Variants in USP10 observed in about 807,000 individuals in gnomAD.
USP10 encodes ubiquitin carboxyl-terminal hydrolase 10.
A neutral mutation model predicts 84.5 loss-of-function variants in USP10; 22 were observed. The ratio of observed to expected loss-of-function variants is 0.26; its 90% CI spans 0.19 to 0.37. The LOEUF (loss-of-function observed/expected upper bound fraction) is 0.37, where lower values mean the gene tolerates loss of function less well. Among genes scored for constraint, USP10 ranks in the 10% least tolerant of loss-of-function variants. The pLI is 1.00. For missense variants in USP10, 1,019 were observed against 998.9 expected, an observed-to-expected ratio of 1.02 and a Z score of -0.27; for synonymous variants, 454 against 387.6, an observed-to-expected ratio of 1.17 and a Z score of -2.01.
chr16:84,751,756 A>G (rs573481171), intron 4 of USP10, among the ~76,000 whole-genome samples: 10 of 152,334 alleles, frequency 6.6e-5, no homozygotes, highest in Non-Finnish European at 1.2e-4. Flanking sequence ...AAGCAGGTCA[A>G]CAACACCAGA....
At position 84,726,976 on chromosome 16, in the gene USP10, C is replaced by G. The variant is rs1460910024; in HGVS notation, c.22-6459C>G. Among the ~76,000 whole-genome samples, 4 of 152,194 alleles carry G rather than the reference C, an allele frequency of 2.6e-5. No individual in the cohort carries two copies. The South Asian group carries it at 8.3e-4, about 32-fold the overall frequency. ...CTGAAACCTTAGGGGGCTTCCCAGT[C>G]TTTCCTGATGGTATTTGGTGTAGCT... On this transcript the variant is annotated intron_variant, in intron 1 of 13. Transcript: ENST00000219473.
intron 1 of USP10, chr16:84,704,815 G>C (rs757541105): frequency 6.5e-7 from 1 of 1,535,676 alleles, no homozygotes; most frequent in Non-Finnish European, 8.7e-7. Flanking sequence ...ATTCTGTCCC[G>C]TCTTGAAACA....
rs1905249509 is a variant in USP10, at chr16:84,704,626, G to A, written c.21+4515G>A. ...AAAATAAAGGTAGCCCTTGGGGTAT[G>A]TGTATAGTATTTGTTTCAAGGATCA... On this transcript the variant is annotated intron_variant, in intron 1 of 13. Transcript: ENST00000219473. The A allele has an allele frequency of 4.6e-6, 6 of 1,307,820 alleles. No individual in the cohort carries two copies. In the Admixed American group the frequency reaches 8.6e-5, roughly 19 times the overall value. 81.0% of individuals were successfully genotyped at this position (1,307,820 alleles called of 1,614,324 possible). A position where few individuals can be genotyped will look rare whatever the true frequency, so the allele number is the denominator to read the frequency against.
chr16:84,766,762 G>C (rs946575512), intron 10 of USP10, among the ~76,000 whole-genome samples: 39 of 152,212 alleles, frequency 2.6e-4, no homozygotes, highest in Admixed American at 2.6e-3. Flanking sequence ...GGGTCTCTGT[G>C]TTGAAATTGG....
At chr16:84,777,832 TC>T (rs1915174687) in intron 13 of USP10, among the ~76,000 whole-genome samples, 1 of 152,218 alleles carries the variant, frequency 6.6e-6, no homozygotes, top group Non-Finnish European at 1.5e-5. Flanking sequence ...CTCTCCTGGT[TC>T]CTTTTCTTTT....
intron 10 of USP10, among the ~76,000 whole-genome samples, chr16:84,764,943 T>A (rs369374222): frequency 9.3e-6 from 1 of 107,288 alleles, no homozygotes; most frequent in African/African-American, 3.4e-5. Flanking sequence ...AAAAAAAATA[T>A]ATATATATAT....
chr16:84,733,556 A>T, intron 2 of USP10, 53 bp downstream of exon 2: 1 of 1,246,694 alleles, frequency 8.0e-7, no homozygotes, highest in Non-Finnish European at 1.1e-6. Flanking sequence ...ATTAATAGTT[A>T]TGTTTCTATT....
At chr16:84,714,355 A>G (rs1424296151) in intron 1 of USP10, among the ~76,000 whole-genome samples, 1 of 152,184 alleles carries the variant, frequency 6.6e-6, no homozygotes, top group Non-Finnish European at 1.5e-5. Context: ...TGGCTCTGGC[A>G]TCCAGGCTGG....
chr16:84,756,426 C>T (rs1912551723), intron 4 of USP10, among the ~76,000 whole-genome samples: 3 of 152,174 alleles, frequency 2.0e-5, no homozygotes, highest in Admixed American at 2.0e-4. Context: ...AATCCTGTCT[C>T]TCCTAAAAAT....
chr16:84,757,367 T>C (rs1350717047), intron 4 of USP10, among the ~76,000 whole-genome samples: 5 of 148,638 alleles, frequency 3.4e-5, no homozygotes, highest in Non-Finnish European at 7.4e-5. Context: ...GAAGAGGACA[T>C]TTATTCATAG....
At chr16:84,739,335 G>T (rs1324856802) in intron 2 of USP10, among the ~76,000 whole-genome samples, 1 of 149,548 alleles carries the variant, frequency 6.7e-6, no homozygotes, top group Non-Finnish European at 1.5e-5. Flanking sequence ...GCAGTGGCGC[G>T]ATCTCGGCTC....
rs1288539491 is a variant in USP10, at chr16:84,747,871, C to T, written c.1192+2198C>T. Among the ~76,000 whole-genome samples the T allele has an allele frequency of 3.9e-5, 6 of 151,914 alleles. No individual in the cohort carries two copies. In the East Asian group the frequency reaches 5.8e-4, roughly 15 times the overall value. On this transcript the variant is annotated intron_variant, in intron 4 of 13. Coordinates refer to ENST00000219473, the MANE Select transcript of USP10 (RefSeq NM_005153.3). The stretch of plus-strand genomic sequence containing the variant: ...TGTGGGCCACCGCACTCAGGCCAGG[C>T]GATTTCTTGAATACAGCTTTCAGAA...
intron 4 of USP10, among the ~76,000 whole-genome samples, chr16:84,755,226 C>G (rs369600396): frequency 6.6e-6 from 1 of 151,664 alleles, no homozygotes; most frequent in African/African-American, 2.4e-5. Context: ...CATGTTCAAG[C>G]CCCGTCTCAC....
intron 10 of USP10, among the ~76,000 whole-genome samples, chr16:84,766,879 T>C (rs2291648): frequency 0.36 from 55,302 of 152,076 alleles, 10,986 homozygotes; most frequent in East Asian, 0.64. Flanking sequence ...TTCACACCAA[T>C]TGAAAGATTT....
intron 4 of USP10, among the ~76,000 whole-genome samples, chr16:84,757,402 GGTGTGTGT>G (rs58812391): frequency 0.12 from 10,327 of 82,660 alleles, 485 homozygotes; most frequent in East Asian, 0.25. Context: ...GAGGGGTGGG[GGTGTGTGT>G]GTGTGTGTGT....
rs188104154 is a variant in USP10, at chr16:84,749,877, A to G, written c.1192+4204A>G. Among the ~76,000 whole-genome samples the G allele has an allele frequency of 1.6e-3, 251 of 152,268 alleles. 3 individuals carry two copies. In the Middle Eastern group the frequency reaches 0.02, roughly 12 times the overall value. ...CAAGGCCATCTCCTCGGTGTAGGTT[A>G]TGTGTCAACATTTTGTTCCATTGGC... On this transcript the variant is annotated intron_variant, in intron 4 of 13. Transcript: ENST00000219473.
chr16:84,711,719 C>CTT (rs10706586), intron 1 of USP10, among the ~76,000 whole-genome samples: 96 of 114,278 alleles, frequency 8.4e-4, no homozygotes, highest in Middle Eastern at 5.0e-3. Flanking sequence ...GAAGGGCTAG[C>CTT]TTTTTTTTTT....
At position 84,745,107 on chromosome 16, in the gene USP10, G is replaced by A; in HGVS notation, c.626G>A (p.Cys209Tyr). ...CCCCCGTCAGTTACGCCCAGGACTT[G>A]TAACAGCCCCCAGAACTCCACAGAC... ...DMPPSVTPRT[C>Y]NSPQNSTDSV... The change falls in exon 4 of 14, where the codon TGT becomes TAT. Residue 209 changes from cysteine (C) to tyrosine (Y), a missense_variant. Cys to Tyr is a radical substitution (Grantham distance 194). Around this residue, in one of 2 missense-constraint regions of USP10, gnomAD observed 787 missense variants for 708.8 expected, o/e 1.11. Coordinates refer to ENST00000219473, the MANE Select transcript of USP10 (RefSeq NM_005153.3). 2 of 1,613,560 alleles carry A rather than the reference G, an allele frequency of 1.2e-6. No homozygotes were observed. Among genetic ancestry groups the A allele is most frequent in the South Asian group, 2.2e-5 (2 of 91,062 alleles).
At chr16:84,772,922 T>C (rs555247504) in intron 12 of USP10, among the ~76,000 whole-genome samples, 12 of 152,180 alleles carry the variant, frequency 7.9e-5, no homozygotes, top group Non-Finnish European at 1.3e-4. Flanking sequence ...ATTAGAAAAA[T>C]AGCAGCTTTT....
Sources: gnomAD v4.1 joint callset for allele counts (sites outside exome capture counted in the v4.1 genomes callset) on GRCh38, gnomAD v4.1.1 for gene constraint, gnomAD v4.1.1 regional missense constraint, MANE v1.5 for transcripts, NCBI Gene and HGNC (gene_info 2026-07-23, HGNC 2026-07-21) for gene names.